The following SPICE1 variants were observed in gnomAD, a reference collection of about 807,000 sequenced individuals.
SPICE1 encodes spindle and centriole associated protein 1.
A neutral mutation model predicts 102.7 loss-of-function variants in SPICE1; 75 were observed. The observed-to-expected ratio is 0.73, with a 90% CI of 0.61 to 0.88. SPICE1 has a LOEUF of 0.88. SPICE1 is among the 40% of genes least tolerant of loss of function. SPICE1 has a pLI of 0.00. For missense variants in SPICE1, 979 were observed against 1,020.1 expected (o/e 0.96, Z 0.55); for synonymous variants, 308 against 350.3 (o/e 0.88, Z 1.35).
At chr3:113,496,392 T>C (rs1324686588) in intron 4 of SPICE1, among the ~76,000 whole-genome samples, 2 of 148,882 alleles carry the variant, frequency 1.3e-5, no homozygotes, top group East Asian at 4.0e-4. Context: ...GGTACACATG[T>C]TGGATTTTCA....
At chr3:113,506,407 G>A (rs531934929) in intron 2 of SPICE1, 100 bp downstream of exon 2, 67 of 910,258 alleles carry the variant, frequency 7.4e-5, no homozygotes, top group Middle Eastern at 4.3e-4. Context: ...ATTACGTGAT[G>A]AGCCCCATTC....
At chr3:113,490,021 C>T (rs1344156036) in intron 6 of SPICE1, among the ~76,000 whole-genome samples, 1 of 152,056 alleles carries the variant, frequency 6.6e-6, no homozygotes, top group Non-Finnish European at 1.5e-5. Context: ...TCACATCACA[C>T]CTACTAAGTA....
chr3:113,475,941 T>C (rs967503517), intron 7 of SPICE1, among the ~76,000 whole-genome samples: 3 of 152,024 alleles, frequency 2.0e-5, no homozygotes, highest in African/African-American at 7.3e-5. Flanking sequence ...CCAGGGCAAT[T>C]AGGCAGGAGA....
chr3:113,455,173 G>C (rs1420881365), intron 13 of SPICE1, among the ~76,000 whole-genome samples: 3 of 152,086 alleles, frequency 2.0e-5, no homozygotes, highest in African/African-American at 7.2e-5. Flanking sequence ...TAAATTGACA[G>C]TACTTTTTAA....
At chr3:113,458,673 G>C (rs1039837788) in intron 12 of SPICE1, among the ~76,000 whole-genome samples, 1 of 148,864 alleles carries the variant, frequency 6.7e-6, no homozygotes, top group African/African-American at 2.5e-5. Flanking sequence ...CTGGCCGCCC[G>C]TCGTCTGGGA....
chr3:113,465,930 T>G (rs1305647403), intron 10 of SPICE1, 146 bp from the exon 11 acceptor site: 1 of 694,782 alleles, frequency 1.4e-6, no homozygotes, highest in African/African-American at 1.8e-5. Context: ...AAAAGGTTTA[T>G]TATATTTAAT....
chr3:113,461,287 G>A (rs1935928005), intron 11 of SPICE1, among the ~76,000 whole-genome samples: 1 of 150,998 alleles, frequency 6.6e-6, no homozygotes, highest in African/African-American at 2.4e-5. Flanking sequence ...TTTTATATAT[G>A]TATATAGATA....
chr3:113,509,739 G>C (rs1447553106), intron 1 of SPICE1, among the ~76,000 whole-genome samples: 1 of 152,152 alleles, frequency 6.6e-6, no homozygotes, highest in African/African-American at 2.4e-5. Context: ...ATCTCATCTC[G>C]AATTGTAATC....
At chr3:113,460,543 A>T in intron 12 of SPICE1, 74 bp downstream of exon 12, 1 of 1,516,624 alleles carries the variant, frequency 6.6e-7, no homozygotes, top group Non-Finnish European at 8.8e-7. Flanking sequence ...AAGTTTAGAG[A>T]TTTAAGGTTT....
At chr3:113,506,920 T>G (rs997135438) in intron 1 of SPICE1, among the ~76,000 whole-genome samples, 4 of 152,178 alleles carry the variant, frequency 2.6e-5, no homozygotes, top group African/African-American at 9.6e-5. Flanking sequence ...TTGTCATCAG[T>G]TACACAAATT....
At chr3:113,511,787 T>C (rs1222619665) in intron 1 of SPICE1, among the ~76,000 whole-genome samples, 1 of 152,006 alleles carries the variant, frequency 6.6e-6, no homozygotes, top group Non-Finnish European at 1.5e-5. Context: ...TTTAAAAATA[T>C]TAAGAATATT....
chr3:113,505,908 A>T (rs1937099409), intron 2 of SPICE1, among the ~76,000 whole-genome samples: 2 of 141,066 alleles, frequency 1.4e-5, no homozygotes, highest in Non-Finnish European at 3.0e-5. Flanking sequence ...CCTGTCTCTT[A>T]AAAAAAAGAT....
chr3:113,450,113 A>C, intron 15 of SPICE1: 1 of 551,382 alleles, frequency 1.8e-6, no homozygotes, highest in Non-Finnish European at 3.2e-6. Context: ...CAGACACCAA[A>C]GATTAACTAT....
intron 7 of SPICE1, among the ~76,000 whole-genome samples, chr3:113,476,691 T>G (rs962703259): frequency 6.6e-6 from 1 of 151,054 alleles, no homozygotes; most frequent in African/African-American, 2.4e-5. Flanking sequence ...GGGAAAGGAT[T>G]CCCTATTTAA....
Position 113,453,584 on chromosome 3 carries a change from A to C in SPICE1, c.2024T>G (p.Leu675Trp). The part of the protein sequence containing the change: ...RKDIMTRIAD[L>W]TLQNSAIKAH... Reference sequence around the variant, plus strand: ...CTTGATAGCTGAATTCTGCAATGTCAAATCAGCAATTCGTGTCATTATGTC... The same window carrying C: ...CTTGATAGCTGAATTCTGCAATGTCCAATCAGCAATTCGTGTCATTATGTC... Residue 675 changes from leucine (L) to tryptophan (W), a missense_variant, in exon 14 of 18, where the codon TTG becomes TGG. Transcript: ENST00000295872. 1 of 1,614,162 alleles carries C rather than the reference A, an allele frequency of 6.2e-7. No individual in the cohort carries two copies. Among genetic ancestry groups the C allele is most frequent in the African/African-American group, 1.3e-5 (1 of 75,032 alleles).
At position 113,448,043 on chromosome 3, in the gene SPICE1, T is replaced by A. The variant is rs1240070144; in HGVS notation, c.2421A>T (p.Thr807=). The change falls in exon 16 of 18, where the codon ACA becomes ACT. Residue 807 remains threonine (T), a synonymous_variant. Coordinates refer to ENST00000295872, the MANE Select transcript of SPICE1 (RefSeq NM_144718.4). ...STVSPVSGIN[T]RRSSGATGNS... Reference sequence around the variant, plus strand: ...ATATTCACACTGCAACTTACCTTCTTGTATTTATCCCGCTGACGGGAGAGA... The same window carrying A: ...ATATTCACACTGCAACTTACCTTCTAGTATTTATCCCGCTGACGGGAGAGA... 6.2e-7 allele frequency: 1 copy of A among 1,600,686 alleles called. No homozygotes were observed. The highest frequency in any genetic ancestry group is 8.5e-7 in the Non-Finnish European group (1 of 1,175,518).
At chr3:113,508,787 C>A (rs752761635) in intron 1 of SPICE1, among the ~76,000 whole-genome samples, 6 of 152,100 alleles carry the variant, frequency 3.9e-5, no homozygotes, top group Non-Finnish European at 7.4e-5. Flanking sequence ...AACATACGTC[C>A]ACGTAAAAAC....
At chr3:113,482,416 G>C (rs557845870) in intron 7 of SPICE1, among the ~76,000 whole-genome samples, 1 of 152,150 alleles carries the variant, frequency 6.6e-6, no homozygotes, top group South Asian at 2.1e-4. Context: ...AGTTTAATTA[G>C]ATCCTCTTTG....
chr3:113,455,826 A>G (rs545545041), intron 13 of SPICE1, among the ~76,000 whole-genome samples: 2 of 152,396 alleles, frequency 1.3e-5, no homozygotes, highest in African/African-American at 4.8e-5. Context: ...TGTTGTCTAT[A>G]GCAATCCCTG....
Sources: allele counts gnomAD v4.1 joint callset (sites outside exome capture counted in the v4.1 genomes callset), GRCh38; gene constraint gnomAD v4.1.1; transcripts MANE v1.5; gene names NCBI Gene and HGNC (gene_info 2026-07-23, HGNC 2026-07-21).